Variants in NLGN1 observed in about 807,000 individuals in gnomAD.
NLGN1 encodes the protein neuroligin 1.
NLGN1 carries 12 observed loss-of-function variants against 65.5 expected under a neutral mutation model. The ratio of observed to expected loss-of-function variants is 0.18; its 90% CI spans 0.12 to 0.30. NLGN1 has a LOEUF of 0.30. Ranked by LOEUF, NLGN1 falls within the 10% of genes least tolerant of loss-of-function variation. NLGN1 has a pLI of 1.00. For missense variants in NLGN1, 750 were observed against 1,007.1 expected (o/e 0.74, Z 3.46); for synonymous variants, 350 against 359.5 (o/e 0.97, Z 0.30).
Position 173,721,291 on chromosome 3 carries a change from A to G in NLGN1, c.494-86389A>G, listed in dbSNP as rs1452376726. 3.9e-5 allele frequency among the ~76,000 whole-genome samples: 6 copies of G among 152,346 alleles called. 1 individual carries two copies. In the East Asian group the frequency reaches 1.2e-3, roughly 29 times the overall value. On this transcript the variant is annotated intron_variant, in intron 3 of 6. Coordinates refer to ENST00000457714, the Ensembl canonical transcript of NLGN1. ...ACCGAGGTGACCTTGTGTCCAATCAAAAAGTACATCACAAAATTTGGCATC... is the reference window on the plus strand; with the variant it reads ...ACCGAGGTGACCTTGTGTCCAATCAGAAAGTACATCACAAAATTTGGCATC...
intron 3 of NLGN1, among the ~76,000 whole-genome samples, chr3:173,643,462 T>G (rs955624364): frequency 6.6e-6 from 1 of 152,116 alleles, no homozygotes; most frequent in Admixed American, 6.5e-5. Context: ...CAGAAGAAGA[T>G]AATAGCAGCA....
intron 3 of NLGN1, among the ~76,000 whole-genome samples, chr3:173,772,130 T>A (rs1779676691): frequency 6.6e-6 from 1 of 152,166 alleles, no homozygotes; most frequent in African/African-American, 2.4e-5. Flanking sequence ...TTTAAAAGAT[T>A]ATTGGCTCAT....
intron 3 of NLGN1, among the ~76,000 whole-genome samples, chr3:173,607,952 G>C (rs1751645502): frequency 6.6e-6 from 1 of 151,710 alleles, no homozygotes; most frequent in Admixed American, 6.6e-5. Context: ...CCTGAGCCAA[G>C]TACTCTATAA....
chr3:173,914,554 CACAT>C (rs1452407121), intron 4 of NLGN1, among the ~76,000 whole-genome samples: 3 of 143,988 alleles, frequency 2.1e-5, no homozygotes, highest in Non-Finnish European at 3.1e-5. Context: ...CACACACACA[CACAT>C]ATGTATATAT....
At chr3:173,828,024 G>A (rs891937960) in intron 4 of NLGN1, among the ~76,000 whole-genome samples, 6 of 151,934 alleles carry the variant, frequency 3.9e-5, no homozygotes, top group Non-Finnish European at 8.8e-5. Flanking sequence ...CCAGCTATCT[G>A]GGCATCCCTT....
At chr3:174,212,404 C>T (rs897892763) in intron 4 of NLGN1, among the ~76,000 whole-genome samples, 3 of 152,202 alleles carry the variant, frequency 2.0e-5, no homozygotes, top group African/African-American at 7.2e-5. Flanking sequence ...CTTGGCCAGC[C>T]CAGAAAGGGG....
At chr3:173,396,471 T>C (rs1440222417), upstream of NLGN1, 1 of 152,218 alleles carries the variant, frequency 6.6e-6, no homozygotes, top group African/African-American at 2.4e-5. Flanking sequence ...TAAATACATA[T>C]ACGCGTGCCC....
chr3:174,185,451 A>C (rs1731217605), intron 4 of NLGN1, among the ~76,000 whole-genome samples: 1 of 152,160 alleles, frequency 6.6e-6, no homozygotes, highest in Non-Finnish European at 1.5e-5. Flanking sequence ...TATTTATTTT[A>C]GATTTAAATT....
rs78635355 is a variant in NLGN1, at chr3:174,123,308, A to G, written c.647-152007A>G. Among the ~76,000 whole-genome samples the G allele has an allele frequency of 1.5e-3, 235 of 152,268 alleles. 1 individual carries two copies. The highest frequency in any genetic ancestry group is 5.4e-3 in the African/African-American group (225 of 41,570). On this transcript the variant is annotated intron_variant, in intron 4 of 6. Transcript: ENST00000457714. ...GGGATTTGTTGCTGGTGAATTACAA[A>G]AGAGACAGCCGAGAGCCCATGCATC... is the stretch of plus-strand genomic sequence containing the variant.
At chr3:173,466,276 T>C (rs1242635546) in intron 2 of NLGN1, among the ~76,000 whole-genome samples, 3 of 152,200 alleles carry the variant, frequency 2.0e-5, no homozygotes, top group Non-Finnish European at 2.9e-5. Context: ...CTCCTAGCCC[T>C]GGGCTAATTA....
At chr3:173,980,141 A>G (rs975888269) in intron 4 of NLGN1, among the ~76,000 whole-genome samples, 10 of 152,222 alleles carry the variant, frequency 6.6e-5, no homozygotes, top group Middle Eastern at 3.4e-3. Flanking sequence ...AAATTAAGTC[A>G]CTGAAAAACA....
rs1741266472 is a variant in NLGN1, at chr3:174,234,353, C to A, written c.647-40962C>A. Among the ~76,000 whole-genome samples, 5 of 152,206 alleles carry A rather than the reference C, an allele frequency of 3.3e-5. No individual in the cohort carries two copies. The South Asian group carries it at 1.0e-3, about 32-fold the overall frequency. On this transcript the variant is annotated intron_variant, in intron 4 of 6. Transcript: ENST00000457714. ...TTACATCCCTTCTCCCCTGATTCTT[C>A]CCTTGGGTTGGGTTGTCTGCATTCA...
At chr3:174,273,579 C>T (rs1331272306) in intron 4 of NLGN1, among the ~76,000 whole-genome samples, 1 of 151,622 alleles carries the variant, frequency 6.6e-6, no homozygotes, top group African/African-American at 2.4e-5. Context: ...ATACTTCTAT[C>T]TAAGAAGATA....
Position 174,281,010 on chromosome 3 carries a change from G to T in NLGN1, c.2179G>T (p.Glu727Ter), listed in dbSNP as rs756909061. Residue 727 changes from glutamate to a stop codon, truncating the protein, a stop_gained, in exon 7 of 7, where the codon GAA becomes TAA. Coordinates refer to ENST00000457714, the Ensembl canonical transcript of NLGN1. LOFTEE classifies it high-confidence loss of function. ...TACCAATGATCTAACCCATGCACAA[G>T]AAGAGGAAATCATGTCCCTCCAAAT... 1 of 1,613,258 alleles carries T rather than the reference G, an allele frequency of 6.2e-7. No individual in the cohort carries two copies. The highest frequency in any genetic ancestry group is 8.5e-7 in the Non-Finnish European group (1 of 1,179,602).
At chr3:173,855,692 A>C (rs932545780) in intron 4 of NLGN1, among the ~76,000 whole-genome samples, 1 of 152,194 alleles carries the variant, frequency 6.6e-6, no homozygotes, top group African/African-American at 2.4e-5. Flanking sequence ...CTATTATTCA[A>C]CATACATGAT....
chr3:174,051,127 G>A (rs528742148), intron 4 of NLGN1, among the ~76,000 whole-genome samples: 1 of 152,032 alleles, frequency 6.6e-6, no homozygotes, highest in African/African-American at 2.4e-5. Context: ...ATTACATTAA[G>A]AATTCTAATT....
At chr3:174,213,860 C>A (rs1325855249) in intron 4 of NLGN1, among the ~76,000 whole-genome samples, 1 of 152,092 alleles carries the variant, frequency 6.6e-6, no homozygotes, top group African/African-American at 2.4e-5. Context: ...TGATTTATAG[C>A]ATTTGTCTTC....
At chr3:173,975,137 T>G (rs938672184) in intron 4 of NLGN1, among the ~76,000 whole-genome samples, 1 of 152,048 alleles carries the variant, frequency 6.6e-6, no homozygotes, top group Non-Finnish European at 1.5e-5. Context: ...ATGTGCACGT[T>G]TACACTTACA....
intron 4 of NLGN1, among the ~76,000 whole-genome samples, chr3:174,105,722 T>G (rs1035910510): frequency 4.7e-4 from 63 of 132,966 alleles, no homozygotes; most frequent in Admixed American, 4.4e-4. Flanking sequence ...TCTAGATATA[T>G]ATATATCTTA....
Sources: gnomAD v4.1 joint callset for allele counts (sites outside exome capture counted in the v4.1 genomes callset) on GRCh38, gnomAD v4.1.1 for gene constraint, MANE v1.5 for transcripts, NCBI Gene and HGNC (gene_info 2026-07-23, HGNC 2026-07-21) for gene names.